Variants in MYO18B observed in about 807,000 individuals in gnomAD.
The protein encoded by MYO18B is unconventional myosin-XVIIIb.
Under a neutral mutation model 273.0 loss-of-function variants are expected in MYO18B, and 204 were observed. That is an observed-to-expected ratio of 0.75 (90% confidence interval 0.67 to 0.84). The LOEUF (loss-of-function observed/expected upper bound fraction) is 0.84, where lower values mean the gene tolerates loss of function less well. MYO18B is among the 40% of genes least tolerant of loss of function. MYO18B has a pLI of 0.00. For synonymous variants in MYO18B, 1,330 were observed against 1,305.7 expected (o/e 1.02, Z -0.40); for missense variants, 3,212 against 3,287.6 (o/e 0.98, Z 0.56).
intron 17 of MYO18B, among the ~76,000 whole-genome samples, chr22:25,838,681 A>G (rs1327086935): frequency 5.9e-5 from 9 of 152,204 alleles, no homozygotes. Flanking sequence ...CATGGGCTGT[A>G]CCATACAGCC....
chr22:25,982,677 TC>T (rs5844663), intron 39 of MYO18B, among the ~76,000 whole-genome samples: 7,314 of 152,194 alleles, frequency 0.048, 223 homozygotes, highest in Middle Eastern at 0.1. Flanking sequence ...TGCTGCTTTC[TC>T]CCCCACTGAC....
chr22:25,951,064 C>T (rs1478945902), intron 37 of MYO18B, among the ~76,000 whole-genome samples: 3 of 152,184 alleles, frequency 2.0e-5, no homozygotes, highest in Admixed American at 6.5e-5. Flanking sequence ...CTCCTTTTCA[C>T]GTTTTCCTGC....
In MYO18B at chr22:25,955,324, T is replaced by G. The variant is rs781051572; in HGVS notation, c.6116T>G (p.Val2039Gly). 6.2e-7 allele frequency: 1 copy of G among 1,613,692 alleles called. No individual in the cohort carries two copies. Among genetic ancestry groups the G allele is most frequent in the Non-Finnish European group, 8.5e-7 (1 of 1,179,794 alleles). Residue 2039 changes from valine to glycine, a missense_variant, in exon 39 of 44, where the codon GTG (valine) becomes GGG (glycine). By Grantham distance (109) the Val-to-Gly change is moderately radical (BLOSUM62 -3). Coordinates refer to ENST00000335473, the MANE Select transcript of MYO18B (RefSeq NM_032608.7). ...CTGAAGGCCGACATGGAAGAGCTGG[T>G]GCAGCGGGAGGCAGAGGCCAGCCGG... ...EELKADMEELVQREAEASRRC... is the reference protein window; with the variant it reads ...EELKADMEELGQREAEASRRC...
In MYO18B at chr22:25,908,386, AC is replaced by A; in HGVS notation, c.5215del (p.Gln1739ArgfsTer43). On this transcript the variant is annotated frameshift_variant, in exon 32 of 44. Transcript: ENST00000335473. LOFTEE classifies it high-confidence loss of function. ...CAGATGCACCAGAAGGACCGTGAGG[AC>A]CAGGAGGAGGAACTGGAGGATGTCC... The part of the protein sequence containing the change: ...MKQMHQKDRE[D>X]QEEELEDVRQ... 6.2e-7 allele frequency: 1 copy of A among 1,603,264 alleles called. No homozygotes were observed. Among genetic ancestry groups the A allele is most frequent in the South Asian group, 1.1e-5 (1 of 88,334 alleles).
intron 12 of MYO18B, among the ~76,000 whole-genome samples, chr22:25,817,280 C>T (rs1287467442): frequency 6.7e-6 from 1 of 149,300 alleles, no homozygotes; most frequent in Non-Finnish European, 1.5e-5. Flanking sequence ...TTCTCTTTGT[C>T]TCTCTTTCTG....
intron 22 of MYO18B, among the ~76,000 whole-genome samples, chr22:25,872,007 C>CA (rs2091060439): frequency 6.6e-6 from 1 of 151,746 alleles, no homozygotes; most frequent in South Asian, 2.1e-4. Context: ...TTTTGGGACT[C>CA]ACTAGCTTGT....
At chr22:25,943,218 TG>T (rs1569216998) in intron 34 of MYO18B, among the ~76,000 whole-genome samples, 2 of 152,168 alleles carry the variant, frequency 1.3e-5, no homozygotes, top group African/African-American at 4.8e-5. Context: ...TCTCCCTTGA[TG>T]GCCCATCTGC....
rs186781678 is a variant in MYO18B, at chr22:25,992,522, G to T, written c.6287+29G>T. 5.1e-5 allele frequency: 83 copies of T among 1,612,976 alleles called. No homozygotes were observed. In the African/African-American group the frequency reaches 9.1e-4, roughly 18 times the overall value. ...ACTTGCTAGGGGCTCGGCGGGGCTGGGCGCAGCAGGTGGGCGGCATCCTGG... is the reference window on the plus strand; with the variant it reads ...ACTTGCTAGGGGCTCGGCGGGGCTGTGCGCAGCAGGTGGGCGGCATCCTGG... On this transcript the variant is annotated intron_variant, in intron 40 of 43. Coordinates refer to ENST00000335473, the MANE Select transcript of MYO18B (RefSeq NM_032608.7).
At chr22:25,847,304 C>T (rs1318108811) in intron 19 of MYO18B, 126 bp from the exon 20 acceptor site, 1 of 695,438 alleles carries the variant, frequency 1.4e-6, no homozygotes, top group African/African-American at 1.8e-5. Context: ...GTGGGAGCTC[C>T]TTGGTGTGGG....
At chr22:25,844,791 T>C (rs2090185940) in intron 18 of MYO18B, among the ~76,000 whole-genome samples, 2 of 152,104 alleles carry the variant, frequency 1.3e-5, no homozygotes, top group South Asian at 4.1e-4. Flanking sequence ...TGGAGAGAGA[T>C]TCAGGCCAGG....
At chr22:25,847,330 A>G in intron 19 of MYO18B, 100 bp from the exon 20 acceptor site, 2 of 1,098,554 alleles carry the variant, frequency 1.8e-6, no homozygotes, top group Non-Finnish European at 2.6e-6. Flanking sequence ...GGGGCCCCAA[A>G]GATGCTCAGG....
chr22:26,044,400 T>C, the MYO18B span, among the ~76,000 whole-genome samples: 5,055 of 152,344 alleles, frequency 0.033, 143 homozygotes, highest in Admixed American at 0.1. Flanking sequence ...ATCTTTGCCT[T>C]CTCAAAAGGT....
intron 39 of MYO18B, among the ~76,000 whole-genome samples, chr22:25,986,229 A>G (rs6004873): frequency 0.03 from 4,502 of 152,306 alleles, 223 homozygotes; most frequent in African/African-American, 0.1. Context: ...TGTAAAATGG[A>G]CAGGACAAAG....
the MYO18B span, among the ~76,000 whole-genome samples, chr22:26,043,910 G>T: frequency 6.6e-6 from 1 of 152,226 alleles, no homozygotes; most frequent in African/African-American, 2.4e-5. Context: ...ACATGCACAC[G>T]CCACTGCACC....
rs751365928 is a variant in MYO18B, at chr22:25,946,122, T to C, written c.5518-15T>C. ...ATTTTCTTTTCTTCTCTTCTCCACC[T>C]CTTGCCTGGTCCAGCTGGAGCAGAG... is the stretch of plus-strand genomic sequence containing the variant. On this transcript the variant is annotated splice_polypyrimidine_tract_variant and intron_variant, in intron 34 of 43. Transcript: ENST00000335473. 49 of 1,419,828 alleles carry C rather than the reference T, an allele frequency of 3.5e-5. No homozygotes were observed. The highest frequency in any genetic ancestry group is 4.2e-5 in the Non-Finnish European group (45 of 1,059,654). The allele number at this position is 1,419,828 out of a possible 1,614,324, so 88.0% of individuals were successfully genotyped here. A position where few individuals can be genotyped will look rare whatever the true frequency, so the allele number is the denominator to read the frequency against.
At chr22:26,022,578 C>T (rs1388218034) in intron 42 of MYO18B, among the ~76,000 whole-genome samples, 1 of 152,166 alleles carries the variant, frequency 6.6e-6, no homozygotes, top group Non-Finnish European at 1.5e-5. Flanking sequence ...CTTGGCCGTG[C>T]TTCTTGCCCT....
intron 8 of MYO18B, among the ~76,000 whole-genome samples, chr22:25,779,606 A>G (rs1390949904): frequency 6.6e-6 from 1 of 152,224 alleles, no homozygotes; most frequent in Non-Finnish European, 1.5e-5. Flanking sequence ...CGAGGTGCTT[A>G]GCACAGTGCT....
chr22:25,829,019 A>T, intron 15 of MYO18B, 51 bp downstream of exon 15: 1 of 1,582,832 alleles, frequency 6.3e-7, no homozygotes. Context: ...GGATGGTGTA[A>T]GGTCAGATGG....
At chr22:25,879,995 C>G (rs772477550) in intron 25 of MYO18B, among the ~76,000 whole-genome samples, 18 of 152,120 alleles carry the variant, frequency 1.2e-4, no homozygotes, top group Non-Finnish European at 2.2e-4. Flanking sequence ...CCACCAGGCC[C>G]TTCCTCCAAC....
Sources: allele counts gnomAD v4.1 joint callset (sites outside exome capture counted in the v4.1 genomes callset), GRCh38; gene constraint gnomAD v4.1.1; transcripts MANE v1.5; gene names NCBI Gene and HGNC (gene_info 2026-07-23, HGNC 2026-07-21).